ITFG1: variants seen among roughly 807,000 people sequenced by gnomAD.
The protein encoded by ITFG1 is T-cell immunomodulatory protein.
In ITFG1, 34 loss-of-function variants were observed where a neutral mutation model predicts 81.8. That is an observed-to-expected ratio of 0.42 (90% CI 0.32 to 0.55). ITFG1 has a LOEUF of 0.55. Ranked by LOEUF, ITFG1 falls within the 20% of genes least tolerant of loss-of-function variation. The pLI is 0.17. For missense variants in ITFG1, 672 were observed against 755.4 expected (o/e 0.89, Z 1.29); for synonymous variants, 285 against 270.6 (o/e 1.05, Z -0.52).
At chr16:47,405,852 G>T (rs1246194563) in intron 6 of ITFG1, among the ~76,000 whole-genome samples, 1 of 150,454 alleles carries the variant, frequency 6.6e-6, no homozygotes, top group African/African-American at 2.4e-5. Context: ...GAATAAGGGG[G>T]GTACTTTCCT....
intron 5 of ITFG1, among the ~76,000 whole-genome samples, chr16:47,451,165 A>G (rs558944788): frequency 2.1e-4 from 32 of 152,312 alleles, no homozygotes; most frequent in African/African-American, 7.2e-4. Context: ...TTAAATGGGG[A>G]CCCGTAAAGT....
intron 6 of ITFG1, among the ~76,000 whole-genome samples, chr16:47,416,939 T>G (rs1188211836): frequency 6.6e-6 from 1 of 152,344 alleles, no homozygotes; most frequent in Non-Finnish European, 1.5e-5. Flanking sequence ...TTGTAGGACA[T>G]GACAGTCCCA....
intron 5 of ITFG1, among the ~76,000 whole-genome samples, chr16:47,444,224 T>C (rs1444005770): frequency 1.3e-5 from 2 of 152,200 alleles, no homozygotes; most frequent in South Asian, 2.1e-4. Context: ...AAAACTGATT[T>C]ATCTACTTTT....
intron 5 of ITFG1, among the ~76,000 whole-genome samples, chr16:47,444,918 T>G (rs1969303618): frequency 6.6e-6 from 1 of 152,082 alleles, no homozygotes; most frequent in Non-Finnish European, 1.5e-5. Flanking sequence ...CTCTTTTCTT[T>G]GCTCTCCCAA....
rs1244884523 is a variant in ITFG1, at chr16:47,283,895, T to C, written c.1071-23200A>G. On this transcript the variant is annotated intron_variant, in intron 10 of 17. Coordinates refer to ENST00000320640, the MANE Select transcript of ITFG1 (RefSeq NM_030790.5). ...AATAAAATGTGGTATATCCATGCTG[T>C]GGAAAATTACTTGGCAATAAAAAGA... Among the ~76,000 whole-genome samples the C allele has an allele frequency of 2.0e-5, 3 of 152,216 alleles. No individual in the cohort carries two copies. In the East Asian group the frequency reaches 5.8e-4, roughly 29 times the overall value.
At chr16:47,376,964 CAAAAAAAA>C (rs1222007051) in intron 6 of ITFG1, among the ~76,000 whole-genome samples, 5 of 18,074 alleles carry the variant, frequency 2.8e-4, no homozygotes, top group East Asian at 3.0e-3. Context: ...TCTGTCTCCC[CAAAAAAAA>C]AAAAAAAAAA....
At chr16:47,425,122 C>T (rs1203032351) in intron 6 of ITFG1, among the ~76,000 whole-genome samples, 1 of 152,116 alleles carries the variant, frequency 6.6e-6, no homozygotes, top group Non-Finnish European at 1.5e-5. Context: ...GCTTTGTTTA[C>T]ACTGTAAGCT....
At chr16:47,382,048 A>G (rs933117773) in intron 6 of ITFG1, among the ~76,000 whole-genome samples, 1 of 152,240 alleles carries the variant, frequency 6.6e-6, no homozygotes, top group African/African-American at 2.4e-5. Flanking sequence ...AGAATTAATT[A>G]GCTCCAGACA....
chr16:47,302,847 C>G (rs906083638), intron 10 of ITFG1, among the ~76,000 whole-genome samples: 7 of 152,140 alleles, frequency 4.6e-5, no homozygotes, highest in African/African-American at 1.4e-4. Context: ...CGCCTTGTTA[C>G]CTGACTTACA....
At position 47,154,536 on chromosome 16, in the gene ITFG1, GT is replaced by G. The variant is rs1335075376; in HGVS notation, c.*1182del. ...TTTTTGTGTTTTATAGGCATCACATGTCCATTTGCATACTAGAAAATTATTA... is the reference window on the plus strand; with the variant it reads ...TTTTTGTGTTTTATAGGCATCACATGCCATTTGCATACTAGAAAATTATTA... On this transcript the variant is annotated 3_prime_UTR_variant, in exon 18 of 18. Transcript: ENST00000320640. 1 of 152,018 alleles carries G rather than the reference GT, an allele frequency of 6.6e-6. No individual in the cohort carries two copies. The highest frequency in any genetic ancestry group is 1.5e-5 in the Non-Finnish European group (1 of 68,004). The allele number at this position is 152,018 out of a possible 1,614,324, so 9.4% of individuals were successfully genotyped here. A position where few individuals can be genotyped will look rare whatever the true frequency, so the allele number is the denominator to read the frequency against.
At chr16:47,324,629 G>C (rs866645992) in intron 8 of ITFG1, among the ~76,000 whole-genome samples, 9 of 152,120 alleles carry the variant, frequency 5.9e-5, no homozygotes, top group Non-Finnish European at 8.8e-5. Flanking sequence ...TCAAAATAAA[G>C]GGATGGAGGA....
chr16:47,334,933 C>T (rs1047810142), intron 8 of ITFG1, among the ~76,000 whole-genome samples: 1 of 152,016 alleles, frequency 6.6e-6, no homozygotes, highest in Non-Finnish European at 1.5e-5. Context: ...TAGAAGAAAA[C>T]AGGAAAAAAT....
intron 13 of ITFG1, among the ~76,000 whole-genome samples, chr16:47,232,137 T>G (rs1965822446): frequency 6.6e-6 from 1 of 152,226 alleles, no homozygotes. Context: ...AACTTGATTT[T>G]AGTTCAGTGA....
At chr16:47,307,809 C>G (rs566360102) in intron 10 of ITFG1, among the ~76,000 whole-genome samples, 1 of 152,228 alleles carries the variant, frequency 6.6e-6, no homozygotes, top group African/African-American at 2.4e-5. Context: ...TCTTCCCTCT[C>G]TAGTAGTTCC....
chr16:47,313,948 T>C, intron 8 of ITFG1, 125 bp from the exon 9 acceptor site: 2 of 493,474 alleles, frequency 4.1e-6, no homozygotes, highest in African/African-American at 2.0e-5. Flanking sequence ...ATTTGACACA[T>C]GGCTTCAAAA....
intron 10 of ITFG1, among the ~76,000 whole-genome samples, chr16:47,277,873 T>C (rs1388328243): frequency 6.6e-6 from 1 of 152,208 alleles, no homozygotes; most frequent in Non-Finnish European, 1.5e-5. Flanking sequence ...CACATACACT[T>C]ATTTCAGCTA....
chr16:47,281,057 A>C (rs965782597), intron 10 of ITFG1, among the ~76,000 whole-genome samples: 11 of 152,182 alleles, frequency 7.2e-5, no homozygotes, highest in Admixed American at 7.2e-4. Flanking sequence ...CTAGCACATT[A>C]TTGAACATGG....
intron 13 of ITFG1, among the ~76,000 whole-genome samples, chr16:47,225,518 A>G (rs531624201): frequency 6.6e-6 from 1 of 152,322 alleles, no homozygotes; most frequent in South Asian, 2.1e-4. Context: ...AACATTTTGA[A>G]AGCCAAAGAT....
chr16:47,409,398 ATATATATTTTTTTTTT>A (rs1968776408), intron 6 of ITFG1, among the ~76,000 whole-genome samples: 1 of 14,564 alleles, frequency 6.9e-5, no homozygotes, highest in Non-Finnish European at 1.2e-4. Context: ...ATATATATAT[ATATATATTTTTTTTTT>A]TTTTTTTTTT....
Sources: gnomAD v4.1 joint callset for allele counts (sites outside exome capture counted in the v4.1 genomes callset) on GRCh38, gnomAD v4.1.1 for gene constraint, MANE v1.5 for transcripts, NCBI Gene and HGNC (gene_info 2026-07-23, HGNC 2026-07-21) for gene names.